The following ATP13A3 variants were observed in gnomAD, a reference collection of about 807,000 sequenced individuals.
ATP13A3 encodes ATPase 13A3.
A neutral mutation model predicts 158.1 loss-of-function variants in ATP13A3; 59 were observed. The ratio of observed to expected loss-of-function variants is 0.37; its 90% confidence interval spans 0.30 to 0.46. ATP13A3 has a LOEUF of 0.46. ATP13A3 is among the 20% of genes least tolerant of loss of function. The pLI is 1.00. For synonymous variants in ATP13A3, 491 were observed against 504.3 expected (o/e 0.97, Z 0.35); for missense variants, 1,166 against 1,525.2 (o/e 0.76, Z 3.92).
Position 194,437,104 on chromosome 3 carries a change from T to C in ATP13A3, c.2111A>G (p.Asn704Ser), listed in dbSNP as rs767194515. 1.9e-5 allele frequency: 31 copies of C among 1,614,086 alleles called. No individual in the cohort carries two copies. The highest frequency in any genetic ancestry group is 5.0e-5 in the Admixed American group (3 of 60,012). ...ESKLTWHKVQ[N>S]ISRDAIENNM... ...AGCCGTTCAACCTCACCTGCTAATA[T>C]TCTGTACTTTATGCCATGTCAGTTT... Residue 704 changes from asparagine (N) to serine (S), a missense_variant, in exon 20 of 34, where the codon AAT (asparagine) becomes AGT (serine). This residue lies in a region of ATP13A3 where 997 missense variants were observed against 1,341.2 expected (regional missense o/e 0.74). Transcript: ENST00000645319.
At chr3:194,434,698 C>T (rs2108834123) in intron 20 of ATP13A3, among the ~76,000 whole-genome samples, 1 of 152,276 alleles carries the variant, frequency 6.6e-6, no homozygotes, top group East Asian at 1.9e-4. Context: ...AGGAGGATTG[C>T]TTGAACCTAG....
chr3:194,468,865 A>G (rs1720157617), intron 2 of ATP13A3, among the ~76,000 whole-genome samples: 1 of 152,206 alleles, frequency 6.6e-6, no homozygotes, highest in African/African-American at 2.4e-5. Context: ...GCAGTACTGA[A>G]GTAAAAAACT....
At chr3:194,453,844 G>T in intron 9 of ATP13A3, 66 bp from the exon 10 acceptor site, 1 of 1,239,834 alleles carries the variant, frequency 8.1e-7, no homozygotes, top group Non-Finnish European at 1.2e-6. Flanking sequence ...AAAAGCCAGA[G>T]TGCTAAAAAA....
At chr3:194,450,315 T>C (rs1393925097) in intron 10 of ATP13A3, 39 bp from the exon 11 acceptor site, 4 of 1,571,906 alleles carry the variant, frequency 2.5e-6, no homozygotes, top group East Asian at 2.3e-5. Flanking sequence ...GAAAAAGATA[T>C]TCTTTACCTT....
chr3:194,475,193 T>C (rs1008090971), intron 2 of ATP13A3, among the ~76,000 whole-genome samples: 3 of 152,198 alleles, frequency 2.0e-5, no homozygotes, highest in African/African-American at 7.2e-5. Context: ...ACCTCAGAAA[T>C]GTTTGTTTTT....
chr3:194,415,256 G>C (rs1301025142), intron 31 of ATP13A3, among the ~76,000 whole-genome samples: 1 of 152,166 alleles, frequency 6.6e-6, no homozygotes, highest in Non-Finnish European at 1.5e-5. Flanking sequence ...GACTTAACAA[G>C]TAAGAGGCTA....
chr3:194,450,893 A>T (rs1221386264), intron 10 of ATP13A3: 2 of 152,208 alleles, frequency 1.3e-5, no homozygotes, highest in African/African-American at 4.8e-5. Flanking sequence ...ACACTTTTAA[A>T]AAAAGATCTT....
In ATP13A3 at chr3:194,437,136, C is replaced by T; in HGVS notation, c.2079G>A (p.Leu693=). 3 of 1,614,108 alleles carry T rather than the reference C, an allele frequency of 1.9e-6. No homozygotes were observed. The highest frequency in any genetic ancestry group is 2.2e-5 in the South Asian group (2 of 91,082). The change falls in exon 20 of 34, where the codon TTG becomes TTA. Residue 693 remains leucine (L), a synonymous_variant. Transcript: ENST00000645319. ...CTTTATGCCATGTCAGTTTTGACTC[C>T]AATTTTCTGTGTGCAAGAGCAATCA... is the stretch of plus-strand genomic sequence containing the variant. ...FRVIALAHRK[L]ESKLTWHKVQ...
In ATP13A3 at chr3:194,494,156, C is replaced by T. The variant is rs1013921592; in HGVS notation, n.640G>A. 3.0e-5 allele frequency: 12 copies of T among 398,446 alleles called. No individual in the cohort carries two copies. Among genetic ancestry groups the T allele is most frequent in the South Asian group, 2.5e-4 (2 of 7,846 alleles). 24.7% of individuals were successfully genotyped at this position (398,446 alleles called of 1,614,324 possible). On this transcript the variant is annotated non_coding_transcript_exon_variant, in exon 2 of 33. Transcript: ENST00000687055. This position sits in a 1 kb window ranked among gnomAD's most constrained non-coding sequence, Gnocchi z 4.2. ...GTGATTCACCAGAATGAGTTCATCTCGCATCAAAACTCTGGATTATCTGTT... is the reference window on the plus strand; with the variant it reads ...GTGATTCACCAGAATGAGTTCATCTTGCATCAAAACTCTGGATTATCTGTT...
At chr3:194,486,127 A>C (rs573282666) in intron 1 of ATP13A3, among the ~76,000 whole-genome samples, 1 of 152,152 alleles carries the variant, frequency 6.6e-6, no homozygotes, top group Non-Finnish European at 1.5e-5. Flanking sequence ...CAGGCAAGTC[A>C]GAAGTCACTT....
intron 31 of ATP13A3, among the ~76,000 whole-genome samples, chr3:194,418,527 T>G (rs191279071): frequency 9.9e-5 from 15 of 152,014 alleles, no homozygotes; most frequent in Non-Finnish European, 1.5e-4. Context: ...GAATAGGCAG[T>G]TCACAGAGAA....
intron 14 of ATP13A3, 90 bp from the exon 15 acceptor site, chr3:194,444,876 T>TAGTTTCTAATGCTGTG: frequency 3.2e-6 from 3 of 939,456 alleles, no homozygotes; most frequent in Non-Finnish European, 4.9e-6. Flanking sequence ...CCACACAGCA[T>TAGTTTCTAATGCTGTG]TAGAAACTAT....
chr3:194,418,836 T>C (rs1003784744), intron 31 of ATP13A3, among the ~76,000 whole-genome samples: 3 of 152,196 alleles, frequency 2.0e-5, no homozygotes, highest in African/African-American at 7.2e-5. Context: ...ATATTACCAC[T>C]GGAAGTGTCT....
In ATP13A3 at chr3:194,427,111, T is replaced by G. The variant is rs751778096; in HGVS notation, c.3089A>C (p.Gln1030Pro). ...ATGCCACACTTCATACCAAGGTTGC[T>G]GTTTGACCCAAAAAAAACCCAAAGA... Reference protein sequence around the residue: ...FQSLGFFWVKQQPWYEVWHPK... With the variant: ...FQSLGFFWVKPQPWYEVWHPK... Residue 1030 changes from glutamine to proline, a missense_variant, in exon 29 of 34, where the codon CAG (glutamine) becomes CCG (proline). Physicochemically the swap from Gln to Pro is moderately conservative, Grantham distance 76 (BLOSUM62 -1). Transcript: ENST00000645319. 1 of 1,613,552 alleles carries G rather than the reference T, an allele frequency of 6.2e-7. No individual in the cohort carries two copies. Among genetic ancestry groups the G allele is most frequent in the Non-Finnish European group, 8.5e-7 (1 of 1,179,916 alleles).
intron 27 of ATP13A3, 110 bp downstream of exon 27, chr3:194,429,568 C>T: frequency 1.4e-6 from 1 of 702,126 alleles, no homozygotes; most frequent in East Asian, 3.0e-5. Flanking sequence ...ATAGGTACTA[C>T]TCACAGAAAC....
chr3:194,442,249 G>A (rs369972825), intron 15 of ATP13A3, among the ~76,000 whole-genome samples: 50 of 152,240 alleles, frequency 3.3e-4, no homozygotes, highest in African/African-American at 1.1e-3. Flanking sequence ...TTAAAGATGC[G>A]CTAGCAAACA....
intron 28 of ATP13A3, among the ~76,000 whole-genome samples, chr3:194,428,234 A>G (rs1304358925): frequency 1.3e-5 from 2 of 151,558 alleles, no homozygotes; most frequent in East Asian, 3.9e-4. Flanking sequence ...AAAAAAAAAA[A>G]AAAGAAAAAA....
chr3:194,453,002 C>T (rs2108925519), intron 10 of ATP13A3: 1 of 152,172 alleles, frequency 6.6e-6, no homozygotes, highest in Admixed American at 6.5e-5. Flanking sequence ...GAAATGTATA[C>T]TTTTAGTTCT....
At chr3:194,461,585 T>C (rs1240209071) in intron 3 of ATP13A3, among the ~76,000 whole-genome samples, 1 of 152,214 alleles carries the variant, frequency 6.6e-6, no homozygotes, top group African/African-American at 2.4e-5. Flanking sequence ...CCAGATTTAA[T>C]AAATGAAAAT....
Sources: gnomAD v4.1 joint callset for allele counts (sites outside exome capture counted in the v4.1 genomes callset) on GRCh38, gnomAD v4.1.1 for gene constraint, gnomAD v4.1.1 regional missense constraint, Gnocchi (gnomAD v3.1) non-coding constraint, MANE v1.5 for transcripts, NCBI Gene and HGNC (gene_info 2026-07-23, HGNC 2026-07-21) for gene names.